The following EBF3 variants were observed in gnomAD, a reference collection of about 807,000 sequenced individuals.
The protein encoded by EBF3 is EBF transcription factor 3, also known as transcription factor COE3.
A neutral mutation model predicts 77.1 loss-of-function variants in EBF3; 18 were observed. The observed-to-expected ratio is 0.23, with a 90% confidence interval of 0.16 to 0.35. The LOEUF (loss-of-function observed/expected upper bound fraction) is 0.35. Among genes scored for constraint, EBF3 ranks in the 10% least tolerant of loss-of-function variants. EBF3 has a pLI of 1.00. For synonymous variants in EBF3, 350 were observed against 343.5 expected, an observed-to-expected ratio of 1.02 and a Z score of -0.21; for missense variants, 558 against 860.0, an observed-to-expected ratio of 0.65 and a Z score of 4.39.
chr10:129,861,310 C>T lies in EBF3; in HGVS notation c.1039+5831G>A, dbSNP rs577551650. 5.3e-5 allele frequency among the ~76,000 whole-genome samples: 8 copies of T among 151,798 alleles called. No homozygotes were observed. Among genetic ancestry groups the T allele is most frequent in the African/African-American group, 1.7e-4 (7 of 41,128 alleles). On this transcript the variant is annotated intron_variant, in intron 10 of 16. Coordinates refer to ENST00000440978, the MANE Select transcript of EBF3 (RefSeq NM_001375380.1). This position sits in a 1 kb window ranked among gnomAD's most constrained non-coding sequence, Gnocchi z 4.3. Reference sequence around the variant, plus strand: ...GGGAAGGGGCTGAGGCACAGATGCACGCCACCCCACTTGGTACGAAAAAAA... The same window carrying T: ...GGGAAGGGGCTGAGGCACAGATGCATGCCACCCCACTTGGTACGAAAAAAA...
chr10:129,867,534 C>T (rs1369655295), intron 9 of EBF3, among the ~76,000 whole-genome samples: 1 of 152,192 alleles, frequency 6.6e-6, no homozygotes, highest in Non-Finnish European at 1.5e-5. Context: ...ACCTGCTTCT[C>T]GTAATTCTAG....
chr10:129,877,757 G>A lies in EBF3; in HGVS notation c.636+11C>T, dbSNP rs369688050. On this transcript the variant is annotated intron_variant, in intron 7 of 16. Coordinates refer to ENST00000440978, the MANE Select transcript of EBF3 (RefSeq NM_001375380.1). ...AGGACCACGGTCCACGTGTCTTTGA[G>A]AAATGTATACCTGGAATCTCCGCAT... 6 of 1,611,730 alleles carry A rather than the reference G, an allele frequency of 3.7e-6. No homozygotes were observed. In the East Asian group the frequency reaches 6.7e-5, roughly 18 times the overall value.
chr10:129,868,418 A>G (rs1170120872), intron 8 of EBF3, among the ~76,000 whole-genome samples: 3 of 152,202 alleles, frequency 2.0e-5, no homozygotes, highest in African/African-American at 7.2e-5. Context: ...TTCACTTTTC[A>G]TCAGGAAAAA....
intron 6 of EBF3, among the ~76,000 whole-genome samples, chr10:129,921,723 C>G (rs764152514): frequency 6.6e-6 from 1 of 152,200 alleles, no homozygotes; most frequent in Admixed American, 6.5e-5. Context: ...TGGGGGTTGT[C>G]CCAGCACAGA....
At chr10:129,871,645 T>C (rs1852417865) in intron 8 of EBF3, among the ~76,000 whole-genome samples, 1 of 152,146 alleles carries the variant, frequency 6.6e-6, no homozygotes, top group African/African-American at 2.4e-5. Context: ...AAAAGGAACT[T>C]CCTAAGTGTC....
chr10:129,920,416 G>A (rs1371987577), intron 6 of EBF3, among the ~76,000 whole-genome samples: 20 of 152,202 alleles, frequency 1.3e-4, no homozygotes, highest in Admixed American at 1.3e-3. Flanking sequence ...GTGTGATCTA[G>A]GGCGAATATC....
chr10:129,868,929 C>T (rs1438803212), intron 8 of EBF3, among the ~76,000 whole-genome samples: 1 of 152,218 alleles, frequency 6.6e-6, no homozygotes, highest in Non-Finnish European at 1.5e-5. Context: ...GCAGGGCTTC[C>T]GCAGCCCGGG....
intron 6 of EBF3, among the ~76,000 whole-genome samples, chr10:129,915,415 A>G (rs1384945458): frequency 6.6e-6 from 1 of 152,112 alleles, no homozygotes. Context: ...CACTTTCTCC[A>G]GAAGAGTTAT....
intron 6 of EBF3, among the ~76,000 whole-genome samples, chr10:129,923,951 T>A (rs1194537205): frequency 6.6e-6 from 1 of 152,026 alleles, no homozygotes; most frequent in Non-Finnish European, 1.5e-5. Context: ...ACCAACGAAA[T>A]GATTCAAAAA....
At chr10:129,901,945 G>A (rs752132888) in intron 6 of EBF3, among the ~76,000 whole-genome samples, 4 of 152,166 alleles carry the variant, frequency 2.6e-5, no homozygotes, top group East Asian at 1.9e-4. Flanking sequence ...TCCAGCTAAC[G>A]AACATTCCCA....
intron 10 of EBF3, among the ~76,000 whole-genome samples, chr10:129,849,593 T>G (rs1200370043): frequency 6.6e-6 from 1 of 152,188 alleles, no homozygotes; most frequent in Admixed American, 6.5e-5. Flanking sequence ...CGTTCTCGAG[T>G]GCTTGGGCGT....
chr10:129,964,087 G>A lies in EBF3; in HGVS notation c.-319C>T. On this transcript the variant is annotated 5_prime_UTR_variant, in exon 1 of 17. Coordinates refer to ENST00000440978, the MANE Select transcript of EBF3 (RefSeq NM_001375380.1). The surrounding 1 kb of genome is among the most constrained non-coding windows in gnomAD (Gnocchi z 4.5). ...CAACGTGGTGTCATCCTAGCCAGGCGGCGTCCGCGGCTGCAGGACACTGCG... is the reference window on the plus strand; with the variant it reads ...CAACGTGGTGTCATCCTAGCCAGGCAGCGTCCGCGGCTGCAGGACACTGCG... 1.0e-6 allele frequency: 1 copy of A among 985,122 alleles called. No homozygotes were observed. The highest frequency in any genetic ancestry group is 1.2e-6 in the Non-Finnish European group (1 of 829,832). The allele number at this position is 985,122 out of a possible 1,614,324, so 61.0% of individuals were successfully genotyped here.
At chr10:129,875,317 C>T (rs1215987335) in intron 7 of EBF3, among the ~76,000 whole-genome samples, 1 of 151,570 alleles carries the variant, frequency 6.6e-6, no homozygotes, top group Non-Finnish European at 1.5e-5. Flanking sequence ...CTTCCTCAGC[C>T]TCCCTAGTAG....
Position 129,836,309 on chromosome 10 carries a change from C to T in EBF3, c.*1634G>A, listed in dbSNP as rs1849605836. 1.3e-5 allele frequency: 2 copies of T among 152,426 alleles called. No individual in the cohort carries two copies. The highest frequency in any genetic ancestry group is 2.9e-5 in the Non-Finnish European group (2 of 68,002). 9.4% of individuals were successfully genotyped at this position (152,426 alleles called of 1,614,324 possible). A position where few individuals can be genotyped will look rare whatever the true frequency, so the allele number is the denominator to read the frequency against. On this transcript the variant is annotated 3_prime_UTR_variant, in exon 17 of 17. Coordinates refer to ENST00000440978, the MANE Select transcript of EBF3 (RefSeq NM_001375380.1). ...AGTAAATTTTATTTTAAACTTTAGG[C>T]CTCTGAATTTTTCCAGTAAACACAG... is the stretch of plus-strand genomic sequence containing the variant.
chr10:129,860,863 C>G (rs559380382), intron 10 of EBF3, among the ~76,000 whole-genome samples: 82 of 152,320 alleles, frequency 5.4e-4, no homozygotes, highest in African/African-American at 1.8e-3. Flanking sequence ...TACTGGCCCT[C>G]AATTTTCAGA....
chr10:129,910,106 C>A (rs1287789766), intron 6 of EBF3, among the ~76,000 whole-genome samples: 2 of 152,184 alleles, frequency 1.3e-5, no homozygotes, highest in Admixed American at 1.3e-4. Context: ...CTAACGAGCC[C>A]GCCCGGGGCT....
At position 129,873,594 on chromosome 10, in the gene EBF3, A is replaced by T. The variant is rs141973685; in HGVS notation, c.639T>A (p.Val213=). The T allele has an allele frequency of 4.6e-6, 7 of 1,534,034 alleles. No homozygotes were observed. The Admixed American group carries it at 1.5e-4, about 33-fold the overall frequency. ...CCACGTTGACTGTTGTCGATACAAC[A>T]ACCTGCAAAGATGAAGTGGATTTGA... ...GNPRDMRRFQ[V]VVSTTVNVDG... The change falls in exon 8 of 17, where the codon GTT becomes GTA. Residue 213 remains valine (V), a splice_region_variant and synonymous_variant. Transcript: ENST00000440978.
At chr10:129,895,104 T>C (rs1854277176) in intron 6 of EBF3, among the ~76,000 whole-genome samples, 1 of 152,224 alleles carries the variant, frequency 6.6e-6, no homozygotes, top group South Asian at 2.1e-4. Context: ...TTCTTCCTCA[T>C]GGGCCACTGG....
rs953515148 is a variant in EBF3, at chr10:129,877,809, A to G, written c.595T>C (p.Leu199=). 4.3e-6 allele frequency: 7 copies of G among 1,613,842 alleles called. No individual in the cohort carries two copies. Among genetic ancestry groups the G allele is most frequent in the Non-Finnish European group, 5.9e-6 (7 of 1,180,008 alleles). Residue 199 remains leucine (L), a synonymous_variant, in exon 7 of 17, where the codon TTG becomes CTG. Coordinates refer to ENST00000440978, the MANE Select transcript of EBF3 (RefSeq NM_001375380.1). The stretch of plus-strand genomic sequence containing the variant: ...TCTCGAGGGTTGCCTGCATTCTTCA[A>G]ACAGTTCTGATTGCACTTGAGGAAA... ...KFFLKCNQNC[L]KNAGNPRDMR...
Sources: gnomAD v4.1 joint callset for allele counts (sites outside exome capture counted in the v4.1 genomes callset) on GRCh38, gnomAD v4.1.1 for gene constraint, Gnocchi (gnomAD v3.1) non-coding constraint, MANE v1.5 for transcripts, NCBI Gene and HGNC (gene_info 2026-07-23, HGNC 2026-07-21) for gene names.